The following GALNTL6 variants were observed in gnomAD, a reference collection of about 807,000 sequenced individuals.
GALNTL6 encodes polypeptide N-acetylgalactosaminyltransferase-like 6.
In GALNTL6, 46 loss-of-function variants were observed where a neutral mutation model predicts 73.7. That is an observed-to-expected ratio of 0.62 (90% CI 0.49 to 0.80). The LOEUF is 0.80. Among genes scored for constraint, GALNTL6 ranks in the 30% least tolerant of loss-of-function variants. The pLI is 0.00. For synonymous variants in GALNTL6, 259 were observed against 263.7 expected (o/e 0.98, Z 0.17); for missense variants, 604 against 755.0 (o/e 0.80, Z 2.34).
At chr4:172,571,284 T>G (rs1158663808) in intron 5 of GALNTL6, among the ~76,000 whole-genome samples, 1 of 152,230 alleles carries the variant, frequency 6.6e-6, no homozygotes, top group Non-Finnish European at 1.5e-5. Flanking sequence ...ATTCGTGTAT[T>G]AATGTTTTTA....
At chr4:171,884,739 TA>T (rs1736560395) in intron 2 of GALNTL6, among the ~76,000 whole-genome samples, 1 of 152,042 alleles carries the variant, frequency 6.6e-6, no homozygotes. Context: ...TATTTAACAA[TA>T]AAAGAATTTA....
chr4:172,010,217 C>G (rs892954066), intron 2 of GALNTL6, among the ~76,000 whole-genome samples: 8 of 152,012 alleles, frequency 5.3e-5, no homozygotes, highest in African/African-American at 1.9e-4. Flanking sequence ...AATAAAAGCA[C>G]CAGCTGCCAT....
intron 5 of GALNTL6, among the ~76,000 whole-genome samples, chr4:172,746,425 A>G (rs894919862): frequency 6.6e-6 from 1 of 152,126 alleles, no homozygotes; most frequent in Non-Finnish European, 1.5e-5. Context: ...CTGAAATGTT[A>G]TCAAGTTCAC....
chr4:172,761,049 A>C (rs943859027), intron 5 of GALNTL6, among the ~76,000 whole-genome samples: 1 of 152,210 alleles, frequency 6.6e-6, no homozygotes, highest in African/African-American at 2.4e-5. Context: ...GTTCTGAACA[A>C]GGAAAAATCT....
chr4:171,890,807 A>G (rs933315909), intron 2 of GALNTL6, among the ~76,000 whole-genome samples: 1 of 152,168 alleles, frequency 6.6e-6, no homozygotes, highest in African/African-American at 2.4e-5. Flanking sequence ...TCCAGATTCT[A>G]GAGAAAGGTT....
At chr4:172,503,737 A>T (rs747297901) in intron 5 of GALNTL6, among the ~76,000 whole-genome samples, 1 of 152,020 alleles carries the variant, frequency 6.6e-6, no homozygotes, top group Non-Finnish European at 1.5e-5. Context: ...AAAAAAAAGT[A>T]ATATTCTAAA....
At chr4:172,689,303 C>T (rs58141829) in intron 5 of GALNTL6, among the ~76,000 whole-genome samples, 48,673 of 151,978 alleles carry the variant, frequency 0.32, 8,261 homozygotes, top group Middle Eastern at 0.47. Context: ...TAAAATACTT[C>T]GCTATTATTT....
chr4:173,001,627 G>T (rs775851442), intron 10 of GALNTL6, among the ~76,000 whole-genome samples: 30 of 152,160 alleles, frequency 2.0e-4, no homozygotes, highest in Non-Finnish European at 3.8e-4. Flanking sequence ...TCTGATAAGG[G>T]ATTAAGATCT....
chr4:172,631,221 A>G (rs1270341434), intron 5 of GALNTL6, among the ~76,000 whole-genome samples: 1 of 151,618 alleles, frequency 6.6e-6, no homozygotes, highest in Non-Finnish European at 1.5e-5. Flanking sequence ...GGCTCACTGC[A>G]ACCTCCTCCG....
At chr4:172,851,936 G>A (rs1743841816) in intron 7 of GALNTL6, among the ~76,000 whole-genome samples, 1 of 152,128 alleles carries the variant, frequency 6.6e-6, no homozygotes, top group South Asian at 2.1e-4. Flanking sequence ...CCAGCTGGTG[G>A]TAGAGAGGCA....
chr4:172,305,918 T>C (rs888520373), intron 3 of GALNTL6, among the ~76,000 whole-genome samples: 1 of 152,160 alleles, frequency 6.6e-6, no homozygotes, highest in African/African-American at 2.4e-5. Flanking sequence ...ACAAATAAAA[T>C]AAATTTCCCT....
intron 2 of GALNTL6, among the ~76,000 whole-genome samples, chr4:171,836,283 A>C (rs1441284453): frequency 6.6e-6 from 1 of 151,938 alleles, no homozygotes; most frequent in Admixed American, 6.6e-5. Context: ...ACTGCTTCCA[A>C]CTCTGCACTG....
chr4:172,955,015 T>C (rs1749644099), intron 10 of GALNTL6, among the ~76,000 whole-genome samples: 1 of 152,206 alleles, frequency 6.6e-6, no homozygotes, highest in African/African-American at 2.4e-5. Flanking sequence ...CACTGTTAAA[T>C]ACTAGTTTTT....
At chr4:171,940,864 T>TAAATAAATAAAAAAAA (rs35996530) in intron 2 of GALNTL6, among the ~76,000 whole-genome samples, 1 of 142,246 alleles carries the variant, frequency 7.0e-6, no homozygotes, top group Admixed American at 7.1e-5. Flanking sequence ...AATAAATAAA[T>TAAATAAATAAAAAAAA]ATATAAGTCA....
At chr4:171,871,334 T>A (rs1285033596) in intron 2 of GALNTL6, among the ~76,000 whole-genome samples, 1 of 152,210 alleles carries the variant, frequency 6.6e-6, no homozygotes, top group Non-Finnish European at 1.5e-5. Context: ...TATACTATTA[T>A]AAAAGTTATG....
intron 3 of GALNTL6, among the ~76,000 whole-genome samples, chr4:172,239,103 T>TA (rs1560984839): frequency 6.6e-6 from 1 of 152,180 alleles, no homozygotes; most frequent in Admixed American, 6.5e-5. Context: ...ATCAGGATGA[T>TA]GCTGGTCTTA....
At chr4:172,214,550 T>A (rs1160223579) in intron 2 of GALNTL6, among the ~76,000 whole-genome samples, 2 of 150,088 alleles carry the variant, frequency 1.3e-5, no homozygotes, top group Non-Finnish European at 3.0e-5. Context: ...GAGTCTCCTC[T>A]GTCACCCAGG....
At chr4:172,881,464 C>T (rs914139118) in intron 7 of GALNTL6, among the ~76,000 whole-genome samples, 24 of 152,190 alleles carry the variant, frequency 1.6e-4, no homozygotes, top group Non-Finnish European at 2.9e-4. Context: ...ACCTTCAAAA[C>T]AATTCCTAGA....
At chr4:172,857,724 C>G (rs1744190754) in intron 7 of GALNTL6, among the ~76,000 whole-genome samples, 1 of 152,058 alleles carries the variant, frequency 6.6e-6, no homozygotes, top group Non-Finnish European at 1.5e-5. Context: ...TCTTTAAAAT[C>G]CAATGATTCT....
Sources: allele counts gnomAD v4.1 joint callset (sites outside exome capture counted in the v4.1 genomes callset), GRCh38; gene constraint gnomAD v4.1.1; transcripts MANE v1.5; gene names NCBI Gene and HGNC (gene_info 2026-07-23, HGNC 2026-07-21).